The following ALMS1 variants were observed in gnomAD, a reference collection of about 807,000 sequenced individuals.
The protein encoded by ALMS1 is ALMS1 centrosome and basal body associated protein, also known as centrosome-associated protein ALMS1.
ALMS1 carries 271 observed loss-of-function variants against 352.2 expected under a neutral mutation model. The observed-to-expected ratio is 0.77, with a 90% confidence interval of 0.70 to 0.85. The LOEUF (loss-of-function observed/expected upper bound fraction) is 0.85. Among genes scored for constraint, ALMS1 ranks in the 40% least tolerant of loss-of-function variants. The pLI, the probability that ALMS1 is intolerant of heterozygous loss-of-function variation, is 0.00. For synonymous variants in ALMS1, 1,865 were observed against 1,761.2 expected, an observed-to-expected ratio of 1.06 and a Z score of -1.48; for missense variants, 5,445 against 4,870.7, an observed-to-expected ratio of 1.12 and a Z score of -3.51.
chr2:73,525,033 C>T (rs1242515632), intron 11 of ALMS1, among the ~76,000 whole-genome samples: 2 of 152,100 alleles, frequency 1.3e-5, no homozygotes, highest in African/African-American at 2.4e-5. Context: ...TATATAATAA[C>T]CTCCAGTTTC....
At chr2:73,431,458 T>G (rs575548795) in intron 6 of ALMS1, among the ~76,000 whole-genome samples, 1 of 152,210 alleles carries the variant, frequency 6.6e-6, no homozygotes, top group East Asian at 1.9e-4. Context: ...AAAAATGATA[T>G]ATATTTTTAT....
At chr2:73,476,891 G>A (rs963438295) in intron 9 of ALMS1, among the ~76,000 whole-genome samples, 3 of 152,058 alleles carry the variant, frequency 2.0e-5, no homozygotes, top group African/African-American at 4.8e-5. Flanking sequence ...GTGAAGTGAC[G>A]TATAGCATAG....
intron 10 of ALMS1, among the ~76,000 whole-genome samples, chr2:73,516,323 A>G (rs1235422855): frequency 2.0e-5 from 3 of 152,212 alleles, no homozygotes; most frequent in Non-Finnish European, 4.4e-5. Flanking sequence ...TGCAGAAGAA[A>G]GGGAAGGCTT....
chr2:73,431,666 A>G (rs1671501151), intron 6 of ALMS1, among the ~76,000 whole-genome samples: 1 of 152,190 alleles, frequency 6.6e-6, no homozygotes, highest in Admixed American at 6.5e-5. Flanking sequence ...TTGAGGACTT[A>G]TGCTTGTTGG....
chr2:73,458,224 T>C (rs1672112966), intron 9 of ALMS1: 1 of 152,108 alleles, frequency 6.6e-6, no homozygotes, highest in African/African-American at 2.4e-5. Flanking sequence ...AGGGAACCCA[T>C]ATTGGCCACA....
intron 1 of ALMS1, among the ~76,000 whole-genome samples, chr2:73,404,898 CCT>C (rs1670941910): frequency 2.4e-5 from 2 of 82,700 alleles, no homozygotes; most frequent in South Asian, 3.1e-4. Flanking sequence ...TTGTCCTGGA[CCT>C]TTTTTTTTTT....
intron 21 of ALMS1, among the ~76,000 whole-genome samples, chr2:73,605,688 C>T (rs902665140): frequency 6.6e-6 from 1 of 151,938 alleles, no homozygotes; most frequent in African/African-American, 2.4e-5. Context: ...ACTAAAACTA[C>T]AAAAATTAGC....
chr2:73,429,466 A>G (rs1671458593), intron 6 of ALMS1, among the ~76,000 whole-genome samples: 1 of 151,872 alleles, frequency 6.6e-6, no homozygotes, highest in Non-Finnish European at 1.5e-5. Flanking sequence ...TCTTTTTAGT[A>G]GAGACGGGGT....
At chr2:73,441,567 C>A (rs908075027) in intron 7 of ALMS1, among the ~76,000 whole-genome samples, 1 of 151,804 alleles carries the variant, frequency 6.6e-6, no homozygotes, top group African/African-American at 2.4e-5. Context: ...GCAGGCTTTT[C>A]TTGGACTTCT....
At chr2:73,487,579 C>T (rs192848174) in intron 9 of ALMS1, among the ~76,000 whole-genome samples, 6 of 152,146 alleles carry the variant, frequency 3.9e-5, no homozygotes, top group African/African-American at 1.4e-4. Flanking sequence ...CTTCTTGTTC[C>T]CTGCAACATG....
At chr2:73,432,763 A>AG (rs1469820393) in intron 7 of ALMS1, among the ~76,000 whole-genome samples, 1 of 152,126 alleles carries the variant, frequency 6.6e-6, no homozygotes, top group African/African-American at 2.4e-5. Flanking sequence ...TATACTTTTC[A>AG]GGGGGGACAC....
chr2:73,425,280 G>T (rs977018799), intron 5 of ALMS1, among the ~76,000 whole-genome samples: 1 of 152,146 alleles, frequency 6.6e-6, no homozygotes, highest in Non-Finnish European at 1.5e-5. Context: ...TTTACAGAAA[G>T]AATCATCTCA....
At chr2:73,607,810 A>ATTTTTTTTTTTTTTT (rs537392249) in intron 21 of ALMS1, among the ~76,000 whole-genome samples, 2 of 131,488 alleles carry the variant, frequency 1.5e-5, no homozygotes, top group African/African-American at 5.6e-5. Context: ...TGCCCACCTA[A>ATTTTTTTTTTTTTTT]TTTTTTTTTT....
intron 9 of ALMS1, among the ~76,000 whole-genome samples, chr2:73,486,860 G>A (rs1399052078): frequency 6.6e-6 from 1 of 152,048 alleles, no homozygotes; most frequent in African/African-American, 2.4e-5. Context: ...GACCAGCCTG[G>A]GCAACAAAGT....
intron 11 of ALMS1, among the ~76,000 whole-genome samples, chr2:73,527,831 G>A (rs998854752): frequency 2.6e-5 from 4 of 151,068 alleles, no homozygotes; most frequent in African/African-American, 4.9e-5. Flanking sequence ...ATTAGCATAC[G>A]TTGTTAGGTT....
In ALMS1 at chr2:73,424,597, CT is replaced by C. The variant is rs771675011; in HGVS notation, c.938del (p.Leu313TyrfsTer18). The C allele has an allele frequency of 6.2e-7, 1 of 1,613,878 alleles. No individual in the cohort carries two copies. The highest frequency in any genetic ancestry group is 1.7e-5 in the Admixed American group (1 of 59,940). On this transcript the variant is annotated frameshift_variant, in exon 5 of 23. Transcript: ENST00000613296. LOFTEE classifies it high-confidence loss of function. ...IGSTAVGSQC[P>X]FLPSEQGNNE... ...AGCACAGCTGTTGGGTCTCAGTGCC[CT>C]TTTTTACCTTCTGAACAAGGGAATA...
chr2:73,422,691 A>G (rs2103709940), intron 3 of ALMS1, among the ~76,000 whole-genome samples, 166 bp from the exon 4 acceptor site: 1 of 152,200 alleles, frequency 6.6e-6, no homozygotes, highest in East Asian at 1.9e-4. Flanking sequence ...ACCTTGTCAG[A>G]CTCTCAATAA....
intron 2 of ALMS1, among the ~76,000 whole-genome samples, chr2:73,413,312 G>T (rs1671116598): frequency 6.6e-6 from 1 of 151,962 alleles, no homozygotes; most frequent in African/African-American, 2.4e-5. Context: ...TAATTTTGAT[G>T]AAACTTGTTT....
chr2:73,487,917 G>A (rs1033141683), intron 9 of ALMS1, among the ~76,000 whole-genome samples: 1 of 152,190 alleles, frequency 6.6e-6, no homozygotes, highest in African/African-American at 2.4e-5. Context: ...GGAGTGGCTA[G>A]CTCCTATCTG....
Sources: allele counts gnomAD v4.1 joint callset (sites outside exome capture counted in the v4.1 genomes callset), GRCh38; gene constraint gnomAD v4.1.1; transcripts MANE v1.5; gene names NCBI Gene and HGNC (gene_info 2026-07-23, HGNC 2026-07-21).